The following IMMP2L variants were observed in gnomAD, a reference collection of about 807,000 sequenced individuals.
IMMP2L encodes the protein inner mitochondrial membrane peptidase subunit 2, also known as mitochondrial inner membrane protease subunit 2.
In IMMP2L, 18 loss-of-function variants were observed where a neutral mutation model predicts 19.3. The ratio of observed to expected loss-of-function variants is 0.93; its 90% CI spans 0.64 to 1.38. IMMP2L has a LOEUF of 1.38. Ranked by LOEUF, IMMP2L falls within the 40% of genes most tolerant of loss-of-function variation. The probability of loss-of-function intolerance (pLI) is 0.00; values close to 1 mark genes in which losing one functional copy is unlikely to be tolerated. For synonymous variants in IMMP2L, 76 were observed against 73.0 expected (o/e 1.04, Z -0.21); for missense variants, 233 against 218.2 (o/e 1.07, Z -0.43).
At chr7:110,907,466 A>G (rs548891729) in intron 4 of IMMP2L, among the ~76,000 whole-genome samples, 1 of 151,786 alleles carries the variant, frequency 6.6e-6, no homozygotes, top group South Asian at 2.1e-4. Context: ...CCTCCTCTCT[A>G]CTGGCTGAGT....
intron 5 of IMMP2L, among the ~76,000 whole-genome samples, chr7:110,866,241 A>G (rs1807965713): frequency 6.6e-6 from 1 of 151,994 alleles, no homozygotes; most frequent in Admixed American, 6.6e-5. Context: ...TAAAAGAACT[A>G]CCAATTTCAG....
intron 3 of IMMP2L, among the ~76,000 whole-genome samples, chr7:111,062,972 T>C (rs557935398): frequency 1.3e-5 from 2 of 152,168 alleles, no homozygotes; most frequent in Non-Finnish European, 2.9e-5. Flanking sequence ...GTGCTACCAT[T>C]CTGGAGGTCT....
In IMMP2L at chr7:111,468,069, T is replaced by C. The variant is rs1043609091; in HGVS notation, c.239+19169A>G. Among the ~76,000 whole-genome samples the C allele has an allele frequency of 2.6e-5, 4 of 152,142 alleles. No individual in the cohort carries two copies. The East Asian group carries it at 5.8e-4, about 22-fold the overall frequency. ...AAAATATTAGTAAATAGGTAACAAT[T>C]AAAGTCATTCTTTCTCATCCCAACT... is the stretch of plus-strand genomic sequence containing the variant. On this transcript the variant is annotated intron_variant, in intron 3 of 5. Transcript: ENST00000405709.
intron 3 of IMMP2L, among the ~76,000 whole-genome samples, chr7:111,308,729 T>C (rs190310542): frequency 6.6e-6 from 1 of 152,000 alleles, no homozygotes; most frequent in Non-Finnish European, 1.5e-5. Flanking sequence ...TCAGGAGAAA[T>C]TTTGGGGGAA....
chr7:111,550,232 C>G (rs1849323350), intron 1 of IMMP2L, among the ~76,000 whole-genome samples: 1 of 152,026 alleles, frequency 6.6e-6, no homozygotes, highest in African/African-American at 2.4e-5. Flanking sequence ...GATTCTAACT[C>G]TATGACATTA....
At chr7:110,918,733 C>T (rs763710835) in intron 4 of IMMP2L, among the ~76,000 whole-genome samples, 2 of 152,038 alleles carry the variant, frequency 1.3e-5, no homozygotes, top group Non-Finnish European at 2.9e-5. Context: ...AGATTAAAGG[C>T]GTGAGCCACT....
intron 5 of IMMP2L, among the ~76,000 whole-genome samples, chr7:110,689,393 CTAT>C (rs1224896854): frequency 6.6e-6 from 1 of 151,982 alleles, no homozygotes; most frequent in African/African-American, 2.4e-5. Flanking sequence ...GTTTTAGCTG[CTAT>C]TAGATATTTT....
intron 4 of IMMP2L, among the ~76,000 whole-genome samples, chr7:110,917,415 A>G (rs10216021): frequency 0.036 from 5,409 of 152,216 alleles, 326 homozygotes; most frequent in African/African-American, 0.12. Context: ...CAATAATCAC[A>G]CCCACTGAAC....
intron 3 of IMMP2L, among the ~76,000 whole-genome samples, chr7:111,177,797 A>G (rs1807241885): frequency 1.3e-5 from 2 of 152,018 alleles, no homozygotes; most frequent in African/African-American, 2.4e-5. Flanking sequence ...GAAACATCAG[A>G]TATGACAGGA....
At chr7:111,400,298 G>A (rs1223148358) in intron 3 of IMMP2L, among the ~76,000 whole-genome samples, 1 of 152,130 alleles carries the variant, frequency 6.6e-6, no homozygotes, top group Non-Finnish European at 1.5e-5. Context: ...AGTGACTAAC[G>A]ATTGCAACAG....
chr7:111,016,900 T>A (rs1398436570), intron 3 of IMMP2L, among the ~76,000 whole-genome samples: 1 of 88,034 alleles, frequency 1.1e-5, no homozygotes, highest in Admixed American at 1.8e-4. Flanking sequence ...TAATATATAT[T>A]ATATATAATT....
At chr7:110,887,901 G>A (rs575404140) in intron 4 of IMMP2L, among the ~76,000 whole-genome samples, 1 of 152,230 alleles carries the variant, frequency 6.6e-6, no homozygotes, top group East Asian at 1.9e-4. Context: ...GTTCTTTGAG[G>A]TGGTGTCCCT....
chr7:111,344,336 C>T (rs1388224288), intron 3 of IMMP2L, among the ~76,000 whole-genome samples: 1 of 152,198 alleles, frequency 6.6e-6, no homozygotes, highest in African/African-American at 2.4e-5. Flanking sequence ...CTGGCTAGCA[C>T]ATTCTTCCCT....
intron 3 of IMMP2L, among the ~76,000 whole-genome samples, chr7:111,373,919 T>G (rs1830455740): frequency 6.6e-6 from 1 of 152,014 alleles, no homozygotes; most frequent in Non-Finnish European, 1.5e-5. Context: ...GAAATACTAT[T>G]TTGAATCAAA....
At chr7:110,832,710 TACCACC>T (rs1283430648) in intron 5 of IMMP2L, among the ~76,000 whole-genome samples, 1 of 152,144 alleles carries the variant, frequency 6.6e-6, no homozygotes, top group Admixed American at 6.6e-5. Flanking sequence ...TGTTCACAAG[TACCACC>T]AAGAAACTTA....
intron 5 of IMMP2L, among the ~76,000 whole-genome samples, chr7:110,718,653 G>T (rs184128880): frequency 6.6e-6 from 1 of 152,138 alleles, no homozygotes; most frequent in East Asian, 1.9e-4. Flanking sequence ...TAACTGAAGC[G>T]CTTTAGCATT....
intron 3 of IMMP2L, among the ~76,000 whole-genome samples, chr7:111,134,057 T>C (rs909184925): frequency 4.6e-5 from 7 of 152,098 alleles, no homozygotes; most frequent in African/African-American, 1.7e-4. Context: ...AGCCCAAATG[T>C]AATGTAAAAT....
At chr7:111,540,323 G>A (rs887570720) in intron 1 of IMMP2L, among the ~76,000 whole-genome samples, 1 of 152,120 alleles carries the variant, frequency 6.6e-6, no homozygotes, top group Non-Finnish European at 1.5e-5. Context: ...GCAAAAATGG[G>A]CTTCTTCCAA....
intron 3 of IMMP2L, among the ~76,000 whole-genome samples, chr7:111,088,097 C>T (rs943409696): frequency 6.6e-6 from 1 of 151,976 alleles, no homozygotes; most frequent in Non-Finnish European, 1.5e-5. Context: ...CACATTCTAC[C>T]GACTGTCCAG....
Sources: allele counts gnomAD v4.1 joint callset (sites outside exome capture counted in the v4.1 genomes callset), GRCh38; gene constraint gnomAD v4.1.1; transcripts MANE v1.5; gene names NCBI Gene and HGNC (gene_info 2026-07-23, HGNC 2026-07-21).